Variants in SHROOM3 observed in about 807,000 individuals in gnomAD.
The protein encoded by SHROOM3 is protein Shroom3.
SHROOM3 carries 47 observed loss-of-function variants against 138.6 expected under a neutral mutation model. The ratio of observed to expected loss-of-function variants is 0.34; its 90% CI spans 0.27 to 0.43. The LOEUF is 0.43. Ranked by LOEUF, SHROOM3 falls within the 20% of genes least tolerant of loss-of-function variation. SHROOM3 has a pLI of 1.00. For missense variants in SHROOM3, 2,491 were observed against 2,596.5 expected, an observed-to-expected ratio of 0.96 and a Z score of 0.88; for synonymous variants, 1,062 against 1,063.3, an observed-to-expected ratio of 1.00 and a Z score of 0.02.
At chr4:76,744,876 T>G (rs148970609) in intron 5 of SHROOM3, among the ~76,000 whole-genome samples, 1,926 of 152,336 alleles carry the variant, frequency 0.013, 35 homozygotes, top group African/African-American at 0.044. Flanking sequence ...TTCTCATTAG[T>G]GAGGCCTTTC....
At position 76,739,053 on chromosome 4, in the gene SHROOM3, G is replaced by A. The variant is rs142581367; in HGVS notation, c.880G>A (p.Gly294Ser). 3.0e-5 allele frequency: 48 copies of A among 1,614,096 alleles called. No homozygotes were observed. The African/African-American group carries it at 5.5e-4, about 18-fold the overall frequency. The change falls in exon 5 of 11, where the codon GGC becomes AGC. Residue 294 changes from glycine (G) to serine (S), a missense_variant. Gly to Ser is a moderately conservative substitution (Grantham distance 56). Transcript: ENST00000296043. The part of the protein sequence containing the change: ...GSMDNTSARG[G>S]LLEGMRQADI... ...CATGGACAATACTTCTGCTCGAGGT[G>A]GCCTCCTCGAAGGGATGAGGCAGGC...
In SHROOM3 at chr4:76,782,852, T is replaced by C. The variant is rs1324177152; in HGVS notation, c.*3675T>C. The C allele has an allele frequency of 2.0e-5, 3 of 152,202 alleles. No homozygotes were observed. The highest frequency in any genetic ancestry group is 4.4e-5 in the Non-Finnish European group (3 of 68,032). 9.4% of individuals were successfully genotyped at this position (152,202 alleles called of 1,614,324 possible). A position where few individuals can be genotyped will look rare whatever the true frequency, so the allele number is the denominator to read the frequency against. On this transcript the variant is annotated 3_prime_UTR_variant, in exon 11 of 11. Transcript: ENST00000296043. ...TGCTGCCTTAACTCTTTGGGATGCATAGGATAAAATGATAAAGACCATTTT... is the reference window on the plus strand; with the variant it reads ...TGCTGCCTTAACTCTTTGGGATGCACAGGATAAAATGATAAAGACCATTTT...
intron 2 of SHROOM3, among the ~76,000 whole-genome samples, chr4:76,689,121 A>G (rs1208301814): frequency 2.0e-5 from 3 of 152,022 alleles, no homozygotes; most frequent in Non-Finnish European, 4.4e-5. Flanking sequence ...GGGGAGGTTA[A>G]TTAAGGCACC....
intron 3 of SHROOM3, among the ~76,000 whole-genome samples, chr4:76,721,685 T>C (rs1720557593): frequency 6.6e-6 from 1 of 152,188 alleles, no homozygotes; most frequent in Admixed American, 6.5e-5. Flanking sequence ...TGAATATGTA[T>C]TGTTGAGTAA....
intron 2 of SHROOM3, among the ~76,000 whole-genome samples, chr4:76,596,612 A>G (rs1734393967): frequency 6.6e-6 from 1 of 150,724 alleles, no homozygotes; most frequent in African/African-American, 2.5e-5. Context: ...ACACACACAC[A>G]CACACACACA....
In SHROOM3 at chr4:76,739,405, G is replaced by A. The variant is rs774963603; in HGVS notation, c.1232G>A (p.Arg411Gln). ...TCCTGGTCTAGCCTTGATCAGAAAC[G>A]GCTCTGCCGGCCTCAGGCAAACTCT... The part of the protein sequence containing the change: ...PSSWSSLDQK[R>Q]LCRPQANSLG... Residue 411 changes from arginine (R) to glutamine (Q), a missense_variant, in exon 5 of 11, where the codon CGG (arginine) becomes CAG (glutamine). Arg to Gln is a conservative substitution (Grantham distance 43, BLOSUM62 1). Around this residue, in one of 4 missense-constraint regions of SHROOM3, gnomAD observed 1,733 missense variants for 1,661.6 expected, o/e 1.04. Coordinates refer to ENST00000296043, the MANE Select transcript of SHROOM3 (RefSeq NM_020859.4). The A allele has an allele frequency of 1.2e-5, 19 of 1,614,108 alleles. No individual in the cohort carries two copies. The highest frequency in any genetic ancestry group is 1.4e-5 in the Non-Finnish European group (17 of 1,180,040).
At chr4:76,729,092 A>G (rs1197127919) in intron 3 of SHROOM3, among the ~76,000 whole-genome samples, 1 of 152,192 alleles carries the variant, frequency 6.6e-6, no homozygotes, top group Middle Eastern at 3.2e-3. Context: ...ACTATGGGCC[A>G]GGTGTGTTTT....
At chr4:76,601,285 G>A (rs1000919001) in intron 2 of SHROOM3, among the ~76,000 whole-genome samples, 1 of 151,982 alleles carries the variant, frequency 6.6e-6, no homozygotes, top group Non-Finnish European at 1.5e-5. Flanking sequence ...TCGTGCTACT[G>A]GCATCTAGTG....
chr4:76,619,726 G>C (rs1332147120), intron 2 of SHROOM3, among the ~76,000 whole-genome samples: 1 of 152,100 alleles, frequency 6.6e-6, no homozygotes, highest in Non-Finnish European at 1.5e-5. Context: ...GTAGTAGAAT[G>C]AAGTAGAGGG....
rs201318318 is a variant in SHROOM3 at position 76,748,999 on chromosome 4, C to T, written c.3754-18C>T. 2 of 1,612,996 alleles carry T rather than the reference C, an allele frequency of 1.2e-6. No individual in the cohort carries two copies. Among genetic ancestry groups the T allele is most frequent in the Non-Finnish European group, 1.7e-6 (2 of 1,179,170 alleles). ...CCCGTTTATTGGCAGTAATGCTGTG[C>T]CTTTCTTGTGTTTCAAGGATGTGCT... On this transcript the variant is annotated intron_variant, in intron 5 of 10. Coordinates refer to ENST00000296043, the MANE Select transcript of SHROOM3 (RefSeq NM_020859.4).
At position 76,603,234 on chromosome 4, in the gene SHROOM3, C is replaced by G. The variant is rs549197845; in HGVS notation, c.323+47471C>G. ...GAGATCGAAACCATCCTGGCTAACA[C>G]GGTGAAGCCCTGTCTCTCCTAAAAG... On this transcript the variant is annotated intron_variant, in intron 2 of 10. Coordinates refer to ENST00000296043, the MANE Select transcript of SHROOM3 (RefSeq NM_020859.4). Among the ~76,000 whole-genome samples the G allele has an allele frequency of 4.6e-5, 7 of 152,214 alleles. 1 individual carries two copies. In the South Asian group the frequency reaches 1.5e-3, roughly 32 times the overall value.
At chr4:76,730,690 T>C (rs1720844509) in intron 3 of SHROOM3, 114 bp from the exon 4 acceptor site, 3 of 1,420,042 alleles carry the variant, frequency 2.1e-6, no homozygotes, top group Non-Finnish European at 2.9e-6. Flanking sequence ...CTTGGTTGCT[T>C]TTCAATCTCT....
chr4:76,744,480 C>CGG (rs1488277910), intron 5 of SHROOM3, among the ~76,000 whole-genome samples: 1 of 152,164 alleles, frequency 6.6e-6, no homozygotes. Context: ...CATGGCAAGG[C>CGG]GGTCTGCTCC....
At chr4:76,580,446 C>CTTTTTTTTTTTTT (rs869200924) in intron 2 of SHROOM3, among the ~76,000 whole-genome samples, 1 of 88,086 alleles carries the variant, frequency 1.1e-5, no homozygotes, top group African/African-American at 3.9e-5. Flanking sequence ...TGGGCAAGTT[C>CTTTTTTTTTTTTT]TTTTTTTTTT....
chr4:76,596,744 G>A (rs1370904658), intron 2 of SHROOM3, among the ~76,000 whole-genome samples: 3 of 152,084 alleles, frequency 2.0e-5, no homozygotes, highest in Non-Finnish European at 4.4e-5. Context: ...TTCTCTGTGG[G>A]TTCAATGTTA....
chr4:76,724,427 T>C (rs1280894337), intron 3 of SHROOM3, among the ~76,000 whole-genome samples: 2 of 152,080 alleles, frequency 1.3e-5, no homozygotes, highest in Non-Finnish European at 2.9e-5. Context: ...ACTGAAAAAA[T>C]AGCTGTTTAA....
In SHROOM3 at chr4:76,756,813, C is replaced by T; in HGVS notation, c.5074C>T (p.Leu1692=). ...LADILDPDSR[L]KTTMDLMEGL... The stretch of plus-strand genomic sequence containing the variant: ...AGACATTTTGGATCCAGACTCCAGG[C>T]TGAAGACAACAATGGACCTGATGGA... The change falls in exon 8 of 11, where the codon CTG becomes TTG. Residue 1692 remains leucine (L), a synonymous_variant. Coordinates refer to ENST00000296043, the MANE Select transcript of SHROOM3 (RefSeq NM_020859.4). The T allele has an allele frequency of 6.2e-7, 1 of 1,614,116 alleles. No homozygotes were observed. Among genetic ancestry groups the T allele is most frequent in the Non-Finnish European group, 8.5e-7 (1 of 1,180,030 alleles).
At chr4:76,566,248 G>T (rs114312899) in intron 2 of SHROOM3, among the ~76,000 whole-genome samples, 3,640 of 152,068 alleles carry the variant, frequency 0.024, 56 homozygotes, top group Non-Finnish European at 0.038. Flanking sequence ...TATTAGGTAG[G>T]ATAAGTAATC....
chr4:76,611,949 A>T (rs1365062169), intron 2 of SHROOM3, among the ~76,000 whole-genome samples: 1 of 152,162 alleles, frequency 6.6e-6, no homozygotes, highest in African/African-American at 2.4e-5. Context: ...AATAACACAC[A>T]TTTTCCTTCT....
Sources: allele counts gnomAD v4.1 joint callset (sites outside exome capture counted in the v4.1 genomes callset), GRCh38; gene constraint gnomAD v4.1.1; regional missense constraint gnomAD v4.1.1; transcripts MANE v1.5; gene names NCBI Gene and HGNC (gene_info 2026-07-23, HGNC 2026-07-21).